The following PTPN12 variants were observed in gnomAD, a reference collection of about 807,000 sequenced individuals.
PTPN12 encodes tyrosine-protein phosphatase non-receptor type 12.
A neutral mutation model predicts 97.6 loss-of-function variants in PTPN12; 29 were observed. That is an observed-to-expected ratio of 0.30 (90% confidence interval 0.22 to 0.41). PTPN12 has a LOEUF of 0.41. PTPN12 is among the 10% of genes least tolerant of loss of function. The probability of loss-of-function intolerance (pLI) is 1.00; values close to 1 mark genes in which losing one functional copy is unlikely to be tolerated. For synonymous variants in PTPN12, 327 were observed against 300.4 expected (o/e 1.09, Z -0.91); for missense variants, 819 against 926.0 (o/e 0.88, Z 1.50).
In PTPN12 at chr7:77,582,911, T is replaced by A. The variant is rs574082203; in HGVS notation, c.286-644T>A. Among the ~76,000 whole-genome samples the A allele has an allele frequency of 5.9e-5, 9 of 152,280 alleles. No individual in the cohort carries two copies. The South Asian group carries it at 1.9e-3, about 32-fold the overall frequency. On this transcript the variant is annotated intron_variant, in intron 3 of 17. Coordinates refer to ENST00000248594, the MANE Select transcript of PTPN12 (RefSeq NM_002835.4). ...CAAAATGAATACATTAAATAAAAACTAATAAATTGATAGTTTGCTATTTCA... is the reference window on the plus strand; with the variant it reads ...CAAAATGAATACATTAAATAAAAACAAATAAATTGATAGTTTGCTATTTCA...
At chr7:77,609,892 A>G (rs923150055) in intron 9 of PTPN12, among the ~76,000 whole-genome samples, 2 of 136,756 alleles carry the variant, frequency 1.5e-5, no homozygotes, top group Non-Finnish European at 3.1e-5. Flanking sequence ...AAAAAAAAAC[A>G]ACAAAAAAAA....
intron 2 of PTPN12, among the ~76,000 whole-genome samples, chr7:77,579,344 C>T (rs1390622731): frequency 6.6e-6 from 1 of 152,128 alleles, no homozygotes; most frequent in Non-Finnish European, 1.5e-5. Context: ...AGGCTGGTCT[C>T]AAACTCTTAA....
intron 1 of PTPN12, among the ~76,000 whole-genome samples, chr7:77,562,199 G>A (rs1188989636): frequency 6.6e-6 from 1 of 152,056 alleles, no homozygotes; most frequent in East Asian, 1.9e-4. Context: ...CATTACAGGC[G>A]CATGCCACCA....
At chr7:77,597,634 T>C in intron 6 of PTPN12, among the ~76,000 whole-genome samples, 1 of 152,182 alleles carries the variant, frequency 6.6e-6, no homozygotes, top group East Asian at 1.9e-4. Context: ...AAATGTGGAG[T>C]GACTAAATCA....
At chr7:77,625,747 A>C (rs1454221815) in intron 12 of PTPN12, among the ~76,000 whole-genome samples, 1 of 150,456 alleles carries the variant, frequency 6.6e-6, no homozygotes, top group Non-Finnish European at 1.5e-5. Context: ...TTTTTGTATT[A>C]TTAGTAGAGA....
intron 2 of PTPN12, among the ~76,000 whole-genome samples, chr7:77,574,000 A>G (rs1787251247): frequency 6.6e-6 from 1 of 152,184 alleles, no homozygotes. Context: ...ACGTCAGGTC[A>G]TCCGCCTCCC....
chr7:77,597,553 T>G (rs765614181), intron 6 of PTPN12, among the ~76,000 whole-genome samples: 2 of 152,212 alleles, frequency 1.3e-5, no homozygotes, highest in Non-Finnish European at 2.9e-5. Context: ...TTTTATTATT[T>G]TTAATTGACA....
intron 2 of PTPN12, among the ~76,000 whole-genome samples, chr7:77,578,548 A>T (rs1048677531): frequency 9.2e-5 from 14 of 152,204 alleles, no homozygotes; most frequent in African/African-American, 3.1e-4. Flanking sequence ...TTAAAAGTAA[A>T]TTTATCAATT....
At chr7:77,564,636 TTACTA>T (rs1808147603) in intron 1 of PTPN12, among the ~76,000 whole-genome samples, 1 of 151,956 alleles carries the variant, frequency 6.6e-6, no homozygotes, top group Non-Finnish European at 1.5e-5. Flanking sequence ...CCATTTTTAT[TTACTA>T]TACAAAGTAT....
In PTPN12 at chr7:77,633,242, C is replaced by A. The variant is rs547342619; in HGVS notation, c.2074+817C>A. Among the ~76,000 whole-genome samples the A allele has an allele frequency of 1.5e-4, 23 of 151,276 alleles. No individual in the cohort carries two copies. In the South Asian group the frequency reaches 4.8e-3, roughly 32 times the overall value. On this transcript the variant is annotated intron_variant, in intron 14 of 17. Transcript: ENST00000248594. The stretch of plus-strand genomic sequence containing the variant: ...CCGAGATCACACTATTGCACTCCAA[C>A]CTGGGCAACAAGAGCGAAACTCCAT...
Position 77,619,537 on chromosome 7 carries a change from A to C in PTPN12, c.1025+972A>C, listed in dbSNP as rs556591747. On this transcript the variant is annotated intron_variant, in intron 12 of 17. Transcript: ENST00000248594. The stretch of plus-strand genomic sequence containing the variant: ...CAAGATTCTAACTGCCTGGGAAGGA[A>C]GCTGCTGAGTACAGAAAGAGGCAGT... 2.0e-5 allele frequency among the ~76,000 whole-genome samples: 3 copies of C among 152,320 alleles called. No individual in the cohort carries two copies. In the East Asian group the frequency reaches 5.8e-4, roughly 29 times the overall value.
intron 1 of PTPN12, among the ~76,000 whole-genome samples, chr7:77,560,812 A>T (rs1807963993): frequency 6.6e-6 from 1 of 151,698 alleles, no homozygotes; most frequent in Non-Finnish European, 1.5e-5. Context: ...CATGACACTT[A>T]GGTTGCTTCC....
At chr7:77,630,296 GT>G (rs1331863409) in intron 13 of PTPN12, among the ~76,000 whole-genome samples, 1 of 152,082 alleles carries the variant, frequency 6.6e-6, no homozygotes, top group African/African-American at 2.4e-5. Flanking sequence ...GTTTTGGGGG[GT>G]TTTTTGGTCC....
intron 14 of PTPN12, among the ~76,000 whole-genome samples, chr7:77,634,574 G>C (rs769144668): frequency 6.6e-6 from 1 of 151,424 alleles, no homozygotes; most frequent in Non-Finnish European, 1.5e-5. Flanking sequence ...CATGTAGCTG[G>C]GACTACAGGT....
intron 1 of PTPN12, among the ~76,000 whole-genome samples, chr7:77,563,352 G>A (rs1028713609): frequency 2.0e-5 from 3 of 152,120 alleles, no homozygotes; most frequent in Non-Finnish European, 2.9e-5. Flanking sequence ...TAGAAGATAC[G>A]GTCTAAATCA....
chr7:77,562,075 A>T (rs1173435023), intron 1 of PTPN12, among the ~76,000 whole-genome samples: 1 of 151,296 alleles, frequency 6.6e-6, no homozygotes, highest in Non-Finnish European at 1.5e-5. Flanking sequence ...ATTTTTTGAG[A>T]CAGAGTCTCA....
At chr7:77,615,882 G>A (rs1212036287) in intron 11 of PTPN12, among the ~76,000 whole-genome samples, 1 of 152,206 alleles carries the variant, frequency 6.6e-6, no homozygotes, top group African/African-American at 2.4e-5. Context: ...ACATTGTGAA[G>A]TCCAGTGACC....
rs1205970502 is a variant in PTPN12 at position 77,537,402 on chromosome 7, G to A, written c.-145G>A. 12 of 1,220,096 alleles carry A rather than the reference G, an allele frequency of 9.8e-6. No homozygotes were observed. Among genetic ancestry groups the A allele is most frequent in the Admixed American group, 3.7e-5 (1 of 27,106 alleles). The allele number at this position is 1,220,096 out of a possible 1,614,324, so 75.6% of individuals were successfully genotyped here. ...GCCGCAGCCGCCGCCTAGGGCGGTG[G>A]GGAGGAGGAGGGAGCCGCGGGGCTT... On this transcript the variant is annotated 5_prime_UTR_variant, in exon 1 of 18. Coordinates refer to ENST00000248594, the MANE Select transcript of PTPN12 (RefSeq NM_002835.4).
intron 1 of PTPN12, among the ~76,000 whole-genome samples, chr7:77,555,377 C>T (rs1005028538): frequency 1.3e-5 from 2 of 151,586 alleles, no homozygotes; most frequent in African/African-American, 2.4e-5. Context: ...TCTTCTGTTC[C>T]CTTCTTCTCT....
Sources: gnomAD v4.1 joint callset for allele counts (sites outside exome capture counted in the v4.1 genomes callset) on GRCh38, gnomAD v4.1.1 for gene constraint, MANE v1.5 for transcripts, NCBI Gene and HGNC (gene_info 2026-07-23, HGNC 2026-07-21) for gene names.